KCNQ1OT1: variants seen among roughly 807,000 people sequenced by gnomAD.
KCNQ1OT1 encodes the protein KCNQ1 opposite strand/antisense transcript 1, also known as KCNQ1 antisense RNA 2 (non-protein coding).
At chr11:2,689,068 G>C in exon 1 of KCNQ1OT1, 6 of 398,812 alleles carry the variant, frequency 1.5e-5, no homozygotes, top group Non-Finnish European at 2.7e-5. Flanking sequence ...CCTCCTCCCC[G>C]GTGGCACATC....
chr11:2,668,160 A>C lies in KCNQ1OT1; in HGVS notation n.31835T>G. The C allele has an allele frequency of 2.5e-6, 1 of 398,616 alleles. No homozygotes were observed. Among genetic ancestry groups the C allele is most frequent in the Non-Finnish European group, 4.4e-6 (1 of 226,080 alleles). The allele number at this position is 398,616 out of a possible 1,614,324, so 24.7% of individuals were successfully genotyped here. ...GGGGCTGAAGGGAGAGTGCTCCCTC[A>C]TGCTCCTTGCTGACTGGTGCTCCAT... On this transcript the variant is annotated non_coding_transcript_exon_variant, in exon 1 of 1. Coordinates refer to ENST00000597346, the Ensembl canonical transcript of KCNQ1OT1. This position sits in a 1 kb window ranked among gnomAD's most constrained non-coding sequence, Gnocchi z 4.3.
At chr11:2,625,701 C>G (rs954959920) in exon 1 of KCNQ1OT1, 2 of 397,298 alleles carry the variant, frequency 5.0e-6, no homozygotes, top group Non-Finnish European at 8.8e-6. Context: ...TCCCGAGTAG[C>G]TGGGACTACA....
exon 1 of KCNQ1OT1, chr11:2,684,563 A>T (rs1477776617): frequency 2.5e-6 from 1 of 398,542 alleles, no homozygotes; most frequent in Non-Finnish European, 4.4e-6. Flanking sequence ...CATGTCCCAT[A>T]AATGACTTTC....
exon 1 of KCNQ1OT1, chr11:2,610,750 T>G: frequency 1.1e-5 from 4 of 378,306 alleles, no homozygotes; most frequent in Non-Finnish European, 1.8e-5. Flanking sequence ...TTTTTTACTT[T>G]GAGCACTTGG....
chr11:2,686,484 C>T (rs1850492082), exon 1 of KCNQ1OT1: 2 of 398,706 alleles, frequency 5.0e-6, no homozygotes, highest in Non-Finnish European at 8.8e-6. Context: ...AACAGATACC[C>T]CCACCCTCAC....
exon 1 of KCNQ1OT1, chr11:2,667,557 CT>C (rs1003626452): frequency 1.5e-4 from 20 of 133,942 alleles, no homozygotes; most frequent in African/African-American, 5.7e-4. Context: ...CATGGAGACA[CT>C]TCTGGCAGTT....
chr11:2,669,248 C>T lies in KCNQ1OT1; in HGVS notation n.30747G>A, dbSNP rs867505950. On this transcript the variant is annotated non_coding_transcript_exon_variant, in exon 1 of 1. Coordinates refer to ENST00000597346, the Ensembl canonical transcript of KCNQ1OT1. This position sits in a 1 kb window ranked among gnomAD's most constrained non-coding sequence, Gnocchi z 5.6. ...GTCCTGCTGGCTCTGGCTGCTTCTC[C>T]TTCCCCATCACTGGCTTTGCTGTCT... is the stretch of plus-strand genomic sequence containing the variant. 31 of 398,748 alleles carry T rather than the reference C, an allele frequency of 7.8e-5. No individual in the cohort carries two copies. The highest frequency in any genetic ancestry group is 1.3e-3 in the Middle Eastern group (2 of 1,588). The allele number at this position is 398,748 out of a possible 1,614,324, so 24.7% of individuals were successfully genotyped here.
exon 1 of KCNQ1OT1, chr11:2,635,168 A>G (rs544538582): frequency 8.9e-4 from 135 of 152,276 alleles, no homozygotes; most frequent in African/African-American, 3.1e-3. Flanking sequence ...TTTGCTGTGC[A>G]GAAGCTCTTT....
exon 1 of KCNQ1OT1, chr11:2,632,182 C>CAA (rs34998500): frequency 0.047 from 14,275 of 304,144 alleles, 63 homozygotes; most frequent in East Asian, 0.062. Flanking sequence ...GACTCTGCCT[C>CAA]AAAAAAAAAA....
Position 2,659,777 on chromosome 11 carries a change from ATT to A in KCNQ1OT1, n.40216_40217del. 1 of 394,360 alleles carries A rather than the reference ATT, an allele frequency of 2.5e-6. No homozygotes were observed. Among genetic ancestry groups the A allele is most frequent in the Admixed American group, 4.5e-5 (1 of 22,466 alleles). The allele number at this position is 394,360 out of a possible 1,614,324, so 24.4% of individuals were successfully genotyped here. On this transcript the variant is annotated non_coding_transcript_exon_variant, in exon 1 of 1. Coordinates refer to ENST00000597346, the Ensembl canonical transcript of KCNQ1OT1. This position sits in a 1 kb window ranked among gnomAD's most constrained non-coding sequence, Gnocchi z 4.3. ...AGTGGTTGGTATTGTCAGGTTTTGA[ATT>A]TTTTTTTTAATTTATGGAATTTCAT...
At chr11:2,646,735 C>T (rs1161876117) in exon 1 of KCNQ1OT1, 1 of 398,570 alleles carries the variant, frequency 2.5e-6, no homozygotes, top group East Asian at 3.6e-5. Flanking sequence ...AGGACAGTCT[C>T]AAACTCCTGG....
At position 2,653,768 on chromosome 11, in the gene KCNQ1OT1, A is replaced by G. The variant is rs1849793836; in HGVS notation, n.46227T>C. ...TTCTTATTGGCCTCAGCTGGGGTAC[A>G]AGCCATCCTTGGACCTGCAGCTGTA... On this transcript the variant is annotated non_coding_transcript_exon_variant, in exon 1 of 1. Coordinates refer to ENST00000597346, the Ensembl canonical transcript of KCNQ1OT1. This position sits in a 1 kb window ranked among gnomAD's most constrained non-coding sequence, Gnocchi z 5.3. 1 of 398,520 alleles carries G rather than the reference A, an allele frequency of 2.5e-6. No individual in the cohort carries two copies. Among genetic ancestry groups the G allele is most frequent in the East Asian group, 3.6e-5 (1 of 28,078 alleles). 24.7% of individuals were successfully genotyped at this position (398,520 alleles called of 1,614,324 possible). A position where few individuals can be genotyped will look rare whatever the true frequency, so the allele number is the denominator to read the frequency against.
chr11:2,616,293 G>C, exon 1 of KCNQ1OT1: 2 of 396,136 alleles, frequency 5.0e-6, no homozygotes, highest in Non-Finnish European at 8.9e-6. Context: ...TTTTTTATTA[G>C]TCATTCTAGT....
chr11:2,683,961 T>G lies in KCNQ1OT1; in HGVS notation n.16034A>C, dbSNP rs981733775. ...GACAAAACCAGCTGACTGCTTTTAC[T>G]TTTTTTTTTTTTTCATTTAGAAGAA... On this transcript the variant is annotated non_coding_transcript_exon_variant, in exon 1 of 1. Coordinates refer to ENST00000597346, the Ensembl canonical transcript of KCNQ1OT1. This position sits in a 1 kb window ranked among gnomAD's most constrained non-coding sequence, Gnocchi z 4.7. The G allele has an allele frequency of 1.2e-5, 2 of 167,000 alleles. No homozygotes were observed. Among genetic ancestry groups the G allele is most frequent in the African/African-American group, 7.3e-5 (2 of 27,346 alleles). 10.3% of individuals were successfully genotyped at this position (167,000 alleles called of 1,614,324 possible). A position where few individuals can be genotyped will look rare whatever the true frequency, so the allele number is the denominator to read the frequency against.
chr11:2,639,652 G>C (rs1254058443), exon 1 of KCNQ1OT1: 3 of 152,404 alleles, frequency 2.0e-5, no homozygotes, highest in African/African-American at 7.2e-5. Context: ...TAGGCTACTC[G>C]GGGGTCAGGG....
At position 2,695,092 on chromosome 11, in the gene KCNQ1OT1, A is replaced by G. The variant is rs1024865089; in HGVS notation, n.4903T>C. 1 of 398,550 alleles carries G rather than the reference A, an allele frequency of 2.5e-6. No homozygotes were observed. Among genetic ancestry groups the G allele is most frequent in the African/African-American group, 2.1e-5 (1 of 48,608 alleles). 24.7% of individuals were successfully genotyped at this position (398,550 alleles called of 1,614,324 possible). A position where few individuals can be genotyped will look rare whatever the true frequency, so the allele number is the denominator to read the frequency against. ...ATTTTATTTCCTAGAAATAGAAGCC[A>G]CTAGAGGGTATCTGGCAGGAGAGTC... On this transcript the variant is annotated non_coding_transcript_exon_variant, in exon 1 of 1. Coordinates refer to ENST00000597346, the Ensembl canonical transcript of KCNQ1OT1. The surrounding 1 kb of genome is among the most constrained non-coding windows in gnomAD (Gnocchi z 5.2).
At chr11:2,698,000 A>G (rs1276540548) in exon 1 of KCNQ1OT1, 7 of 398,678 alleles carry the variant, frequency 1.8e-5, no homozygotes, top group East Asian at 3.6e-5. Flanking sequence ...CCTACTGAGT[A>G]TCTGGAAAAC....
rs772826661 is a variant in KCNQ1OT1, at chr11:2,617,723, A to G, written n.82272T>C. ...TAACCCTAGCCAACACTTAATAGCT[A>G]TTCTCATGAGTGTGAGGTGATATCG... On this transcript the variant is annotated non_coding_transcript_exon_variant, in exon 1 of 1. Coordinates refer to ENST00000597346, the Ensembl canonical transcript of KCNQ1OT1. This position sits in a 1 kb window ranked among gnomAD's most constrained non-coding sequence, Gnocchi z 4.6. 7 of 398,406 alleles carry G rather than the reference A, an allele frequency of 1.8e-5. No homozygotes were observed. Among genetic ancestry groups the G allele is most frequent in the Admixed American group, 4.4e-5 (1 of 22,706 alleles). The allele number at this position is 398,406 out of a possible 1,614,324, so 24.7% of individuals were successfully genotyped here.
chr11:2,698,644 A>G lies in KCNQ1OT1; in HGVS notation n.1351T>C, dbSNP rs1850717838. The G allele has an allele frequency of 2.5e-6, 1 of 398,004 alleles. No homozygotes were observed. Among genetic ancestry groups the G allele is most frequent in the Admixed American group, 4.4e-5 (1 of 22,658 alleles). The allele number at this position is 398,004 out of a possible 1,614,324, so 24.7% of individuals were successfully genotyped here. ...TACCCCACTGAGACCTCTAACCCCAATCCCAATCTCTTAACTCAGAGCCCC... is the reference window on the plus strand; with the variant it reads ...TACCCCACTGAGACCTCTAACCCCAGTCCCAATCTCTTAACTCAGAGCCCC... On this transcript the variant is annotated non_coding_transcript_exon_variant, in exon 1 of 1. Transcript: ENST00000597346. The surrounding 1 kb of genome is among the most constrained non-coding windows in gnomAD (Gnocchi z 5.1).
Sources: gnomAD v4.1 joint callset for allele counts on GRCh38, gnomAD v4.1.1 for gene constraint, Gnocchi (gnomAD v3.1) non-coding constraint, MANE v1.5 for transcripts, NCBI Gene and HGNC (gene_info 2026-07-23, HGNC 2026-07-21) for gene names.